Variants in OPRD1 observed in about 807,000 individuals in gnomAD.
The protein encoded by OPRD1 is delta-type opioid receptor.
A neutral mutation model predicts 17.5 loss-of-function variants in OPRD1; 19 were observed. The observed-to-expected ratio is 1.09, with a 90% CI of 0.76 to 1.60. The LOEUF (loss-of-function observed/expected upper bound fraction) is 1.60, where lower values mean the gene tolerates loss of function less well. Among genes scored for constraint, OPRD1 ranks in the 40% most tolerant of loss-of-function variants. The pLI is 0.00. For synonymous variants in OPRD1, 256 were observed against 240.9 expected, an observed-to-expected ratio of 1.06 and a Z score of -0.58; for missense variants, 483 against 547.2, an observed-to-expected ratio of 0.88 and a Z score of 1.17.
chr1:28,844,815 G>A (rs1429924504), intron 1 of OPRD1, among the ~76,000 whole-genome samples: 1 of 151,992 alleles, frequency 6.6e-6, no homozygotes, highest in Non-Finnish European at 1.5e-5. Flanking sequence ...CACAATCTCG[G>A]CTCACTGCAA....
At chr1:28,814,899 G>T (rs2088661868) in intron 1 of OPRD1, among the ~76,000 whole-genome samples, 1 of 152,062 alleles carries the variant, frequency 6.6e-6, no homozygotes, top group Non-Finnish European at 1.5e-5. Context: ...TATGGGACAG[G>T]CATTAGAATC....
At chr1:28,819,792 G>C (rs1462296095) in intron 1 of OPRD1, among the ~76,000 whole-genome samples, 1 of 152,180 alleles carries the variant, frequency 6.6e-6, no homozygotes, top group Non-Finnish European at 1.5e-5. Flanking sequence ...GGACGTCTAG[G>C]TAGAGAAGCG....
intron 1 of OPRD1, among the ~76,000 whole-genome samples, chr1:28,814,873 T>C (rs1471462837): frequency 6.6e-6 from 1 of 152,160 alleles, no homozygotes; most frequent in African/African-American, 2.4e-5. Flanking sequence ...AATGATTGAA[T>C]CCTCACCTTC....
intron 1 of OPRD1, among the ~76,000 whole-genome samples, chr1:28,849,383 A>T (rs1050869284): frequency 6.6e-6 from 1 of 152,198 alleles, no homozygotes; most frequent in Admixed American, 6.5e-5. Flanking sequence ...GCCAGAGAAG[A>T]GACCTACGGA....
chr1:28,821,485 A>C (rs7515442), intron 1 of OPRD1, among the ~76,000 whole-genome samples: 4,649 of 151,540 alleles, frequency 0.031, 222 homozygotes, highest in African/African-American at 0.11. Context: ...TGATCCTCCC[A>C]CCTTGGCCTC....
chr1:28,825,029 T>C (rs2088752462), intron 1 of OPRD1, among the ~76,000 whole-genome samples: 1 of 151,334 alleles, frequency 6.6e-6, no homozygotes, highest in East Asian at 2.0e-4. Context: ...GGAGATGGGG[T>C]TTCACCGTGT....
intron 1 of OPRD1, among the ~76,000 whole-genome samples, chr1:28,817,904 G>GC (rs1157962173): frequency 7.6e-6 from 1 of 130,816 alleles, no homozygotes; most frequent in African/African-American, 3.0e-5. Context: ...GGGCGGGGCG[G>GC]GGGGGGGGTT....
At position 28,862,819 on chromosome 1, in the gene OPRD1, C is replaced by G. The variant is rs1409314296; in HGVS notation, c.655C>G (p.Leu219Val). Residue 219 changes from leucine to valine, a missense_variant, in exon 3 of 3, where the codon CTC (leucine) becomes GTC (valine). Coordinates refer to ENST00000234961, the MANE Select transcript of OPRD1 (RefSeq NM_000911.4). The part of the protein sequence containing the change: ...WDTVTKICVF[L>V]FAFVVPILII... Reference sequence around the variant, plus strand: ...CACGGTGACCAAGATCTGCGTGTTCCTCTTCGCCTTCGTGGTGCCCATCCT... The same window carrying G: ...CACGGTGACCAAGATCTGCGTGTTCGTCTTCGCCTTCGTGGTGCCCATCCT... 1 of 1,613,428 alleles carries G rather than the reference C, an allele frequency of 6.2e-7. No individual in the cohort carries two copies. The highest frequency in any genetic ancestry group is 1.3e-5 in the African/African-American group (1 of 74,964).
chr1:28,846,054 C>T (rs1260119082), intron 1 of OPRD1, among the ~76,000 whole-genome samples: 1 of 152,208 alleles, frequency 6.6e-6, no homozygotes, highest in Non-Finnish European at 1.5e-5. Flanking sequence ...TGATTTGACT[C>T]CTGCAGATTT....
intron 1 of OPRD1, among the ~76,000 whole-genome samples, chr1:28,821,263 C>T (rs1266450793): frequency 5.3e-5 from 8 of 151,974 alleles, no homozygotes; most frequent in African/African-American, 1.5e-4. Flanking sequence ...CCACCATGCC[C>T]GGCTAATTTT....
intron 1 of OPRD1, among the ~76,000 whole-genome samples, chr1:28,844,106 C>T (rs2088919064): frequency 6.6e-6 from 1 of 151,124 alleles, no homozygotes; most frequent in South Asian, 2.1e-4. Context: ...TTTTACATTT[C>T]CAAAAACGGT....
intron 1 of OPRD1, among the ~76,000 whole-genome samples, chr1:28,852,182 AAAAAG>A (rs1283022929): frequency 6.6e-6 from 1 of 151,006 alleles, no homozygotes; most frequent in Non-Finnish European, 1.5e-5. Flanking sequence ...AAAAAAAAAA[AAAAAG>A]AAAAGAAAGA....
At chr1:28,831,988 G>C (rs2088811608) in intron 1 of OPRD1, among the ~76,000 whole-genome samples, 1 of 152,200 alleles carries the variant, frequency 6.6e-6, no homozygotes, top group African/African-American at 2.4e-5. Context: ...GGGGCTCAGA[G>C]ATGATAATTC....
rs1186745905 is a variant in OPRD1 at position 28,863,153 on chromosome 1, G to T, written c.989G>T (p.Arg330Leu). ...FLDENFKRCF[R>L]QLCRKPCGRP... ...GACGAGAACTTCAAGCGCTGCTTCCGCCAGCTCTGCCGCAAGCCCTGCGGC... is the reference window on the plus strand; with the variant it reads ...GACGAGAACTTCAAGCGCTGCTTCCTCCAGCTCTGCCGCAAGCCCTGCGGC... Residue 330 changes from arginine (R) to leucine (L), a missense_variant, in exon 3 of 3, where the codon CGC becomes CTC. By Grantham distance (102) the Arg-to-Leu change is moderately radical. Transcript: ENST00000234961. The T allele has an allele frequency of 1.2e-6, 2 of 1,604,902 alleles. No homozygotes were observed. The highest frequency in any genetic ancestry group is 2.2e-5 in the East Asian group (1 of 44,614).
At chr1:28,855,486 A>G (rs1173176196) in intron 1 of OPRD1, among the ~76,000 whole-genome samples, 2 of 150,932 alleles carry the variant, frequency 1.3e-5, no homozygotes, top group Admixed American at 1.3e-4. Flanking sequence ...GAGTGGCATG[A>G]TTTGTCTTGG....
At chr1:28,854,034 T>G (rs2089033125) in intron 1 of OPRD1, among the ~76,000 whole-genome samples, 1 of 151,724 alleles carries the variant, frequency 6.6e-6, no homozygotes, top group Non-Finnish European at 1.5e-5. Context: ...AGCCACCACA[T>G]CTGGCCAGAA....
At chr1:28,853,752 CTT>C (rs34603985) in intron 1 of OPRD1, among the ~76,000 whole-genome samples, 2 of 137,462 alleles carry the variant, frequency 1.5e-5, no homozygotes, top group Non-Finnish European at 3.2e-5. Context: ...TTTTTTTTTT[CTT>C]TTTTTTTTTT....
At chr1:28,852,037 G>A (rs1358507873) in intron 1 of OPRD1, among the ~76,000 whole-genome samples, 1 of 149,126 alleles carries the variant, frequency 6.7e-6, no homozygotes, top group Non-Finnish European at 1.5e-5. Flanking sequence ...CGTGGTGGCG[G>A]GTGCCTGTAG....
intron 1 of OPRD1, among the ~76,000 whole-genome samples, chr1:28,824,734 G>A (rs574555093): frequency 1.8e-4 from 27 of 152,218 alleles, no homozygotes; most frequent in African/African-American, 6.5e-4. Flanking sequence ...TGCCCCCATT[G>A]TATACATAAG....
Sources: allele counts gnomAD v4.1 joint callset (sites outside exome capture counted in the v4.1 genomes callset), GRCh38; gene constraint gnomAD v4.1.1; transcripts MANE v1.5; gene names NCBI Gene and HGNC (gene_info 2026-07-23, HGNC 2026-07-21).